Variants in YAP1 observed in about 807,000 individuals in gnomAD.
YAP1 encodes Yes1 associated transcriptional regulator.
YAP1 carries 5 observed loss-of-function variants against 56.9 expected under a neutral mutation model. The ratio of observed to expected loss-of-function variants is 0.09; its 90% CI spans 0.05 to 0.18. The LOEUF (loss-of-function observed/expected upper bound fraction) is 0.18, where lower values mean the gene tolerates loss of function less well. YAP1 is among the 10% of genes least tolerant of loss of function. The probability of loss-of-function intolerance (pLI) is 1.00; values close to 1 mark genes in which losing one functional copy is unlikely to be tolerated. For missense variants in YAP1, 539 were observed against 651.8 expected, an observed-to-expected ratio of 0.83 and a Z score of 1.88; for synonymous variants, 265 against 248.1, an observed-to-expected ratio of 1.07 and a Z score of -0.64.
chr11:102,132,125 A>AT (rs1413923573), intron 2 of YAP1, among the ~76,000 whole-genome samples: 18 of 152,282 alleles, frequency 1.2e-4, no homozygotes, highest in African/African-American at 4.1e-4. Context: ...GTCAAAAAAA[A>AT]TAAAAAAAAA....
chr11:102,173,031 T>C (rs1017440325), intron 3 of YAP1, among the ~76,000 whole-genome samples: 2 of 152,126 alleles, frequency 1.3e-5, no homozygotes, highest in Admixed American at 1.3e-4. Flanking sequence ...AGGAGTGACA[T>C]GGTATCAGTA....
rs1351348419 is a variant in YAP1, at chr11:102,114,239, T to C, written c.417T>C (p.Pro139=). The part of the protein sequence containing the change: ...PASLQLGAVS[P]GTLTPTGVVS... ...CTCTGCAGTTGGGAGCTGTTTCTCC[T>C]GGGACACTGACCCCCACTGGAGTAG... The change falls in exon 2 of 9, where the codon CCT becomes CCC. Residue 139 remains proline, a synonymous_variant. Coordinates refer to ENST00000282441, the MANE Select transcript of YAP1 (RefSeq NM_001130145.3). 6.2e-7 allele frequency: 1 copy of C among 1,614,136 alleles called. No homozygotes were observed.
intron 4 of YAP1, among the ~76,000 whole-genome samples, chr11:102,194,699 G>T (rs1253075251): frequency 6.6e-6 from 1 of 152,118 alleles, no homozygotes; most frequent in East Asian, 1.9e-4. Flanking sequence ...TTTCAAAAAG[G>T]CACATAGGAA....
At chr11:102,134,392 C>G (rs917408179) in intron 2 of YAP1, among the ~76,000 whole-genome samples, 1 of 151,234 alleles carries the variant, frequency 6.6e-6, no homozygotes, top group Non-Finnish European at 1.5e-5. Flanking sequence ...TTTTTTACAT[C>G]TCAGTATTGT....
chr11:102,228,675 G>A (rs1950320709), intron 8 of YAP1, among the ~76,000 whole-genome samples: 1 of 136,216 alleles, frequency 7.3e-6, no homozygotes, highest in Non-Finnish European at 1.7e-5. Context: ...TAGTTGCAGG[G>A]GTCTTGCAGG....
intron 1 of YAP1, among the ~76,000 whole-genome samples, chr11:102,112,069 G>C (rs1413829767): frequency 1.3e-5 from 2 of 152,170 alleles, no homozygotes; most frequent in Non-Finnish European, 2.9e-5. Flanking sequence ...TTTTGAATTA[G>C]CCACATCTGT....
rs1442515350 is a variant in YAP1, at chr11:102,162,453, T to C, written c.573-3T>C. 1 of 1,612,034 alleles carries C rather than the reference T, an allele frequency of 6.2e-7. No homozygotes were observed. The highest frequency in any genetic ancestry group is 1.7e-5 in the Admixed American group (1 of 60,018). Reference sequence around the variant, plus strand: ...CCTAATGCAGTGGTTTGTTTTGTCTTAGTCACATCGATCAGACAACAACAT... The same window carrying C: ...CCTAATGCAGTGGTTTGTTTTGTCTCAGTCACATCGATCAGACAACAACAT... On this transcript the variant is annotated splice_polypyrimidine_tract_variant and splice_region_variant and intron_variant, in intron 2 of 8. Transcript: ENST00000282441.
rs1942835269 is a variant in YAP1 at position 102,110,687 on chromosome 11, G to A, written c.-162G>A. 5.9e-6 allele frequency: 3 copies of A among 510,842 alleles called. No homozygotes were observed. Among genetic ancestry groups the A allele is most frequent in the Non-Finnish European group, 8.3e-6 (3 of 360,478 alleles). The allele number at this position is 510,842 out of a possible 1,614,324, so 31.6% of individuals were successfully genotyped here. ...CGGGGGCGGAGGCGCCGGGGCGGGG[G>A]ATGCGGGGCCGCGGCGCAGCCCCCC... is the stretch of plus-strand genomic sequence containing the variant. On this transcript the variant is annotated 5_prime_UTR_variant, in exon 1 of 9. Coordinates refer to ENST00000282441, the MANE Select transcript of YAP1 (RefSeq NM_001130145.3).
At chr11:102,130,828 A>G (rs1439223594) in intron 2 of YAP1, among the ~76,000 whole-genome samples, 1 of 142,768 alleles carries the variant, frequency 7.0e-6, no homozygotes, top group Non-Finnish European at 1.5e-5. Context: ...GATACAGGTT[A>G]TGTTTCCAAA....
intron 2 of YAP1, among the ~76,000 whole-genome samples, chr11:102,121,189 G>A (rs982339428): frequency 6.6e-6 from 1 of 152,176 alleles, no homozygotes; most frequent in Non-Finnish European, 1.5e-5. Context: ...TGTAATCCCA[G>A]CACTTTGAGA....
intron 4 of YAP1, among the ~76,000 whole-genome samples, chr11:102,205,254 A>G (rs1317963297): frequency 1.3e-5 from 2 of 152,100 alleles, no homozygotes; most frequent in Non-Finnish European, 1.5e-5. Flanking sequence ...TCAATTTGAT[A>G]TGAGCAAGCA....
At position 102,229,728 on chromosome 11, in the gene YAP1, C is replaced by T. The variant is rs371883018; in HGVS notation, c.1303C>T (p.Pro435Ser). 3.0e-5 allele frequency: 49 copies of T among 1,614,092 alleles called. No homozygotes were observed. In the African/African-American group the frequency reaches 6.3e-4, roughly 21 times the overall value. Residue 435 changes from proline to serine, a missense_variant, in exon 9 of 9, where the codon CCC (proline) becomes TCC (serine). Physicochemically the swap from Pro to Ser is moderately conservative, Grantham distance 74. Transcript: ENST00000282441. ...TGDTINQSTL[P>S]SQQNRFPDYL... Reference sequence around the variant, plus strand: ...TGATACTATCAACCAAAGCACCCTGCCCTCACAGCAGAACCGTTTCCCAGA... The same window carrying T: ...TGATACTATCAACCAAAGCACCCTGTCCTCACAGCAGAACCGTTTCCCAGA...
chr11:102,113,669 A>T (rs1445696464), intron 1 of YAP1, among the ~76,000 whole-genome samples: 1 of 152,168 alleles, frequency 6.6e-6, no homozygotes, highest in Admixed American at 6.5e-5. Context: ...GGAATAAATG[A>T]CGAGGGCTTG....
chr11:102,125,353 CATTCT>C (rs1378554343), intron 2 of YAP1, among the ~76,000 whole-genome samples: 3 of 92,084 alleles, frequency 3.3e-5, no homozygotes, highest in African/African-American at 1.0e-4. Context: ...AGCTATTTCT[CATTCT>C]TTTTTTTTTC....
intron 4 of YAP1, among the ~76,000 whole-genome samples, chr11:102,201,722 T>C (rs1176223505): frequency 2.0e-5 from 3 of 152,050 alleles, no homozygotes; most frequent in Non-Finnish European, 4.4e-5. Context: ...TGTTACAAAA[T>C]CAAAGTAAAA....
chr11:102,209,536 C>T lies in YAP1; in HGVS notation c.1004C>T (p.Pro335Leu), dbSNP rs527326391. ...TCTTAGGCAATGCGGAATATCAATC[C>T]CAGCACAGCAAATTCTCCAAAATGT... ...LLRQAMRNINPSTANSPKCQE... is the reference protein window; with the variant it reads ...LLRQAMRNINLSTANSPKCQE... Residue 335 changes from proline (P) to leucine (L), a missense_variant, in exon 6 of 9, where the codon CCC (proline) becomes CTC (leucine). Coordinates refer to ENST00000282441, the MANE Select transcript of YAP1 (RefSeq NM_001130145.3). 17 of 1,601,020 alleles carry T rather than the reference C, an allele frequency of 1.1e-5. No homozygotes were observed. In the East Asian group the frequency reaches 3.6e-4, roughly 34 times the overall value.
chr11:102,167,159 A>C (rs1441247319), intron 3 of YAP1, among the ~76,000 whole-genome samples: 1 of 152,212 alleles, frequency 6.6e-6, no homozygotes, highest in Non-Finnish European at 1.5e-5. Flanking sequence ...CCCAAAACAA[A>C]GATGCACCTG....
At chr11:102,143,741 G>T (rs1484319918) in intron 2 of YAP1, among the ~76,000 whole-genome samples, 1 of 152,170 alleles carries the variant, frequency 6.6e-6, no homozygotes, top group Non-Finnish European at 1.5e-5. Context: ...AATCGAACAG[G>T]TTACTTGTTA....
chr11:102,184,779 T>C (rs1947858071), intron 3 of YAP1, among the ~76,000 whole-genome samples: 1 of 152,152 alleles, frequency 6.6e-6, no homozygotes, highest in Non-Finnish European at 1.5e-5. Flanking sequence ...ATACTTAGGC[T>C]CTGGTCATCT....
Sources: allele counts gnomAD v4.1 joint callset (sites outside exome capture counted in the v4.1 genomes callset), GRCh38; gene constraint gnomAD v4.1.1; transcripts MANE v1.5; gene names NCBI Gene and HGNC (gene_info 2026-07-23, HGNC 2026-07-21).